The following VPS53 variants were observed in gnomAD, a reference collection of about 807,000 sequenced individuals.
VPS53 encodes VPS53 subunit of GARP complex.
In VPS53, 70 loss-of-function variants were observed where a neutral mutation model predicts 107.0. The ratio of observed to expected loss-of-function variants is 0.65; its 90% CI spans 0.54 to 0.80. VPS53 has a LOEUF of 0.80. VPS53 is among the 30% of genes least tolerant of loss of function. The pLI is 0.00. For missense variants in VPS53, 917 were observed against 1,049.4 expected (o/e 0.87, Z 1.74); for synonymous variants, 409 against 393.3 (o/e 1.04, Z -0.47).
intron 4 of VPS53, among the ~76,000 whole-genome samples, chr17:662,834 A>AAAGAAAGGAAGGAAGG (rs1971515638): frequency 8.3e-6 from 1 of 121,060 alleles, no homozygotes; most frequent in East Asian, 2.6e-4. Context: ...AAAGAGAAAG[A>AAAGAAAGGAAGGAAGG]AAGGAAGGAA....
chr17:555,479 G>A (rs1023392543), intron 15 of VPS53, among the ~76,000 whole-genome samples: 1 of 152,086 alleles, frequency 6.6e-6, no homozygotes, highest in Non-Finnish European at 1.5e-5. Context: ...TTACAGACGT[G>A]AGCCACCACG....
intron 19 of VPS53, among the ~76,000 whole-genome samples, chr17:527,047 T>TA (rs1207702318): frequency 3.3e-5 from 5 of 152,236 alleles, no homozygotes; most frequent in Non-Finnish European, 7.3e-5. Context: ...TTTTTCTTTT[T>TA]AAAAAAATTA....
chr17:679,010 GCGCTCTTCTTACATAACA>G, intron 4 of VPS53, among the ~76,000 whole-genome samples: 1 of 152,102 alleles, frequency 6.6e-6, no homozygotes, highest in Non-Finnish European at 1.5e-5. Context: ...GTACCTTTAA[GCGCTCTTCTTACATAACA>G]AGAAGTAGAA....
At chr17:661,673 G>A in intron 5 of VPS53, 136 bp downstream of exon 5, 1 of 757,738 alleles carries the variant, frequency 1.3e-6, no homozygotes, top group Non-Finnish European at 2.1e-6. Context: ...ATTCATAGGG[G>A]GCTTGCTTTA....
At chr17:622,388 TAA>T (rs10711234) in intron 11 of VPS53, among the ~76,000 whole-genome samples, 27 of 148,550 alleles carry the variant, frequency 1.8e-4, no homozygotes, top group East Asian at 2.0e-4. Context: ...ACCCGCAGTT[TAA>T]AAAAAAAAAA....
At chr17:549,302 CTTGT>C (rs1192522316) in intron 17 of VPS53, among the ~76,000 whole-genome samples, 1 of 152,206 alleles carries the variant, frequency 6.6e-6, no homozygotes. Context: ...GACCACTTGG[CTTGT>C]TTATTTCCAT....
intron 12 of VPS53, among the ~76,000 whole-genome samples, chr17:596,633 T>C (rs1383822046): frequency 6.6e-6 from 1 of 152,184 alleles, no homozygotes; most frequent in East Asian, 1.9e-4. Flanking sequence ...TGCCTGAAGT[T>C]TCCTTTTTTC....
At chr17:658,464 T>C (rs112786384) in intron 5 of VPS53, among the ~76,000 whole-genome samples, 314 of 79,576 alleles carry the variant, frequency 3.9e-3, no homozygotes, top group Middle Eastern at 0.011. Flanking sequence ...GTGAGAAACT[T>C]GGCCGTGAGT....
intron 12 of VPS53, among the ~76,000 whole-genome samples, chr17:588,007 C>T (rs1010897369): frequency 2.0e-5 from 3 of 152,064 alleles, no homozygotes; most frequent in Non-Finnish European, 2.9e-5. Context: ...CCTGTTGTTA[C>T]GATTATTATT....
At chr17:634,281 G>A (rs1036761816) in intron 7 of VPS53, among the ~76,000 whole-genome samples, 2 of 152,176 alleles carry the variant, frequency 1.3e-5, no homozygotes, top group African/African-American at 4.8e-5. Flanking sequence ...GCCTGTGACA[G>A]CACCTGGTAT....
chr17:631,023 G>A (rs2143151552), intron 8 of VPS53, among the ~76,000 whole-genome samples: 1 of 152,244 alleles, frequency 6.6e-6, no homozygotes, highest in South Asian at 2.1e-4. Context: ...CAAGTGAAAT[G>A]CTGTGGGCTT....
chr17:562,272 C>T (rs905119461), intron 14 of VPS53, among the ~76,000 whole-genome samples: 4 of 152,098 alleles, frequency 2.6e-5, no homozygotes, highest in Admixed American at 2.6e-4. Context: ...TCGAGTCCAC[C>T]GTGGTAAGAT....
intron 17 of VPS53, chr17:537,789 T>A (rs1910217274): frequency 6.6e-6 from 1 of 152,398 alleles, no homozygotes; most frequent in South Asian, 2.1e-4. Context: ...CTGACCACAC[T>A]GTTTCCTCTA....
At chr17:698,529 A>T (rs1263137134) in intron 3 of VPS53, among the ~76,000 whole-genome samples, 1 of 151,982 alleles carries the variant, frequency 6.6e-6, no homozygotes, top group African/African-American at 2.4e-5. Flanking sequence ...ACAAGGCGAA[A>T]CCCCATCTCT....
intron 11 of VPS53, among the ~76,000 whole-genome samples, chr17:606,396 G>A (rs1464679014): frequency 1.3e-5 from 2 of 152,138 alleles, no homozygotes; most frequent in Non-Finnish European, 2.9e-5. Flanking sequence ...AATGTGAAGG[G>A]ATAGGAATAC....
rs565368724 is a variant in VPS53, at chr17:636,567, T to G, written c.609-4939A>C. On this transcript the variant is annotated intron_variant, in intron 7 of 21. Transcript: ENST00000437048. ...TGGCTGTGGGTTTGTCATAGATAGCTCTTATTATTTTGAGATAAGTCCCAT... is the reference window on the plus strand; with the variant it reads ...TGGCTGTGGGTTTGTCATAGATAGCGCTTATTATTTTGAGATAAGTCCCAT... Among the ~76,000 whole-genome samples the G allele has an allele frequency of 9.5e-4, 144 of 152,324 alleles. 1 individual carries two copies. Among genetic ancestry groups the G allele is most frequent in the African/African-American group, 3.4e-3 (140 of 41,566 alleles).
intron 2 of VPS53, among the ~76,000 whole-genome samples, chr17:709,524 T>C (rs1444449766): frequency 6.6e-6 from 1 of 152,222 alleles, no homozygotes; most frequent in African/African-American, 2.4e-5. Context: ...CTTTGTTTCC[T>C]TACCGCACTG....
chr17:555,373 C>T (rs1912235070), intron 15 of VPS53, among the ~76,000 whole-genome samples: 1 of 152,226 alleles, frequency 6.6e-6, no homozygotes, highest in African/African-American at 2.4e-5. Flanking sequence ...TTTCTAAGCC[C>T]TCCAGGCTCC....
chr17:690,720 G>A (rs1972748257), intron 4 of VPS53, among the ~76,000 whole-genome samples: 1 of 151,006 alleles, frequency 6.6e-6, no homozygotes, highest in Admixed American at 6.6e-5. Flanking sequence ...TGGAAGAATA[G>A]TGTCTAAAAT....
Sources: gnomAD v4.1 joint callset for allele counts (sites outside exome capture counted in the v4.1 genomes callset) on GRCh38, gnomAD v4.1.1 for gene constraint, MANE v1.5 for transcripts, NCBI Gene and HGNC (gene_info 2026-07-23, HGNC 2026-07-21) for gene names.